The following TSHR variants were observed in gnomAD, a reference collection of about 807,000 sequenced individuals.
TSHR encodes thyrotropin receptor.
In TSHR, 51 loss-of-function variants were observed where a neutral mutation model predicts 64.1. The observed-to-expected ratio is 0.80, with a 90% CI of 0.64 to 1.01. TSHR has a LOEUF of 1.01. Among genes scored for constraint, TSHR ranks in the 50% least tolerant of loss-of-function variants. The probability of loss-of-function intolerance (pLI) is 0.00; values close to 1 mark genes in which losing one functional copy is unlikely to be tolerated. For synonymous variants in TSHR, 361 were observed against 361.9 expected (o/e 1.00, Z 0.03); for missense variants, 877 against 942.8 (o/e 0.93, Z 0.91).
chr14:81,058,574 CATT>C (rs1296883233), intron 1 of TSHR, among the ~76,000 whole-genome samples: 1 of 152,104 alleles, frequency 6.6e-6, no homozygotes, highest in Non-Finnish European at 1.5e-5. Flanking sequence ...AAAGAATCAT[CATT>C]GTCTTCTTAT....
Position 80,985,956 on chromosome 14 carries a change from C to T in TSHR, c.170+30106C>T, listed in dbSNP as rs57204806. On this transcript the variant is annotated intron_variant, in intron 1 of 9. Coordinates refer to ENST00000298171, the MANE Select transcript of TSHR (RefSeq NM_000369.5). ...CTCTTCCTGTCACATGTGCTGACAT[C>T]TCTTCTTACCTCGTGTCAGCATTAA... Among the ~76,000 whole-genome samples, 270 of 152,294 alleles carry T rather than the reference C, an allele frequency of 1.8e-3. 3 individuals carry two copies. Among genetic ancestry groups the T allele is most frequent in the African/African-American group, 6.2e-3 (256 of 41,548 alleles).
chr14:80,956,030 T>C, intron 1 of TSHR, 180 bp downstream of exon 1: 1 of 720,054 alleles, frequency 1.4e-6, no homozygotes, highest in Non-Finnish European at 2.4e-6. Flanking sequence ...CGCCCACACT[T>C]GGGAAGGTAT....
intron 1 of TSHR, among the ~76,000 whole-genome samples, chr14:81,037,237 C>T (rs781247813): frequency 6.6e-6 from 1 of 151,420 alleles, no homozygotes; most frequent in Non-Finnish European, 1.5e-5. Flanking sequence ...TTATTATCAA[C>T]TTAAATTGCC....
intron 1 of TSHR, among the ~76,000 whole-genome samples, chr14:81,027,232 G>C (rs1446465244): frequency 6.6e-6 from 1 of 151,808 alleles, no homozygotes; most frequent in Non-Finnish European, 1.5e-5. Flanking sequence ...ATTTTTATTA[G>C]AAATTATATG....
chr14:81,088,589 C>T (rs1888468125), intron 4 of TSHR, among the ~76,000 whole-genome samples: 1 of 152,206 alleles, frequency 6.6e-6, no homozygotes. Flanking sequence ...TGAATCTTTA[C>T]TGCCTAGTAC....
intron 1 of TSHR, among the ~76,000 whole-genome samples, chr14:80,967,679 G>GA (rs1406522415): frequency 6.6e-6 from 1 of 152,212 alleles, no homozygotes; most frequent in Non-Finnish European, 1.5e-5. Context: ...TAATTGCAGG[G>GA]AATGTGGTAA....
intron 1 of TSHR, among the ~76,000 whole-genome samples, chr14:80,988,007 G>C (rs1888554373): frequency 6.6e-6 from 1 of 152,114 alleles, no homozygotes; most frequent in African/African-American, 2.4e-5. Flanking sequence ...TAAAAATACT[G>C]TTTCCTGGGC....
intron 1 of TSHR, among the ~76,000 whole-genome samples, chr14:81,037,140 TC>T (rs1445104445): frequency 7.2e-6 from 1 of 138,554 alleles, no homozygotes; most frequent in African/African-American, 2.7e-5. Flanking sequence ...AGACTCAGTC[TC>T]AAAAAAAAAA....
chr14:80,985,830 A>G (rs897604802), intron 1 of TSHR, among the ~76,000 whole-genome samples: 1 of 152,224 alleles, frequency 6.6e-6, no homozygotes, highest in African/African-American at 2.4e-5. Context: ...TACAAGGGGT[A>G]TGCAAACTTT....
At chr14:81,049,564 G>A (rs1885330032) in intron 1 of TSHR, 1 of 151,974 alleles carries the variant, frequency 6.6e-6, no homozygotes, top group African/African-American at 2.4e-5. Context: ...TGAGGGTTGA[G>A]GAAGAGCAAA....
intron 3 of TSHR, among the ~76,000 whole-genome samples, chr14:81,083,397 G>A (rs1888048375): frequency 6.6e-6 from 1 of 151,764 alleles, no homozygotes; most frequent in Non-Finnish European, 1.5e-5. Context: ...GAAATCTAAT[G>A]AAGGAGAATT....
rs191358938 is a variant in TSHR at position 81,056,914 on chromosome 14, C to A, written c.171-5234C>A. ...ACTGACTAAAATTTACTATACCACC[C>A]AAAATACAAAACACAAGAGAATGAC... On this transcript the variant is annotated intron_variant, in intron 1 of 9. Coordinates refer to ENST00000298171, the MANE Select transcript of TSHR (RefSeq NM_000369.5). 4.9e-4 allele frequency among the ~76,000 whole-genome samples: 74 copies of A among 152,194 alleles called. No individual in the cohort carries two copies. In the East Asian group the frequency reaches 0.013, roughly 27 times the overall value.
intron 1 of TSHR, among the ~76,000 whole-genome samples, chr14:81,036,023 C>T (rs894063397): frequency 2.6e-5 from 4 of 151,964 alleles, no homozygotes; most frequent in Non-Finnish European, 5.9e-5. Context: ...CAGGTCTTTT[C>T]AAATAACCTA....
intron 1 of TSHR, among the ~76,000 whole-genome samples, chr14:81,024,225 GTATT>G (rs1448730175): frequency 2.0e-5 from 3 of 150,722 alleles, no homozygotes; most frequent in African/African-American, 7.3e-5. Flanking sequence ...TAATAATAGA[GTATT>G]TAGGCATGGT....
At chr14:81,048,753 T>C (rs763936725) in intron 1 of TSHR, among the ~76,000 whole-genome samples, 9 of 152,246 alleles carry the variant, frequency 5.9e-5, no homozygotes, top group African/African-American at 1.2e-4. Context: ...AACTGCGTGA[T>C]GGTAGGAGGT....
chr14:81,139,999 A>G, intron 9 of TSHR, 132 bp downstream of exon 9: 2 of 1,262,082 alleles, frequency 1.6e-6, no homozygotes, highest in South Asian at 2.6e-5. Context: ...CATATGAAAC[A>G]GGAAATCCAT....
chr14:81,144,608 A>G lies in TSHR; in HGVS notation c.*255A>G. 1 of 510,848 alleles carries G rather than the reference A, an allele frequency of 2.0e-6. No individual in the cohort carries two copies. The highest frequency in any genetic ancestry group is 3.5e-6 in the Non-Finnish European group (1 of 286,180). 31.6% of individuals were successfully genotyped at this position (510,848 alleles called of 1,614,324 possible). ...AATCAAAATAATCTACACTATCTAG[A>G]AGACTTTCTTGATGCCAAGTCCAGA... On this transcript the variant is annotated 3_prime_UTR_variant, in exon 10 of 10. Coordinates refer to ENST00000298171, the MANE Select transcript of TSHR (RefSeq NM_000369.5).
rs1887926797 is a variant in TSHR, at chr14:81,081,848, C to T, written c.318-6106C>T. ...CAGCAAAGTGCACCTAATAGATGTC[C>T]AGTAATTATTCACTTATATTCTAAT... On this transcript the variant is annotated intron_variant, in intron 3 of 9. Transcript: ENST00000298171. Among the ~76,000 whole-genome samples, 4 of 152,082 alleles carry T rather than the reference C, an allele frequency of 2.6e-5. No individual in the cohort carries two copies. The South Asian group carries it at 8.3e-4, about 32-fold the overall frequency.
chr14:80,979,837 T>C (rs957846498), intron 1 of TSHR, among the ~76,000 whole-genome samples: 1 of 152,222 alleles, frequency 6.6e-6, no homozygotes, highest in African/African-American at 2.4e-5. Context: ...TTCTCACCAC[T>C]AACATTTTTT....
Sources: gnomAD v4.1 joint callset for allele counts (sites outside exome capture counted in the v4.1 genomes callset) on GRCh38, gnomAD v4.1.1 for gene constraint, MANE v1.5 for transcripts, NCBI Gene and HGNC (gene_info 2026-07-23, HGNC 2026-07-21) for gene names.